Variants in NAA35 observed in about 807,000 individuals in gnomAD.
NAA35 encodes the protein MAK10 homolog, amino-acid N-acetyltransferase subunit.
NAA35 carries 18 observed loss-of-function variants against 101.7 expected under a neutral mutation model. That is an observed-to-expected ratio of 0.18 (90% CI 0.12 to 0.26). NAA35 has a LOEUF of 0.26. Among genes scored for constraint, NAA35 ranks in the 10% least tolerant of loss-of-function variants. The probability of loss-of-function intolerance (pLI) is 1.00; values close to 1 mark genes in which losing one functional copy is unlikely to be tolerated. For synonymous variants in NAA35, 267 were observed against 273.1 expected (o/e 0.98, Z 0.22); for missense variants, 601 against 886.8 (o/e 0.68, Z 4.09).
intron 2 of NAA35, among the ~76,000 whole-genome samples, chr9:85,951,714 G>A (rs1023650675): frequency 2.6e-5 from 4 of 152,092 alleles, no homozygotes; most frequent in African/African-American, 9.7e-5. Flanking sequence ...GGAGTCCAGT[G>A]GCATGATCTC....
chr9:85,964,316 A>G (rs1829651530), intron 6 of NAA35, among the ~76,000 whole-genome samples: 1 of 152,096 alleles, frequency 6.6e-6, no homozygotes, highest in South Asian at 2.1e-4. Context: ...ATATGTATGT[A>G]TGTCTTTTCC....
chr9:86,006,146 G>T (rs908127080), intron 13 of NAA35, among the ~76,000 whole-genome samples: 22 of 151,968 alleles, frequency 1.4e-4, no homozygotes, highest in African/African-American at 5.1e-4. Context: ...CTCCAGCCTG[G>T]GCAACAGAGC....
At chr9:86,006,653 T>A (rs1471088793) in intron 13 of NAA35, among the ~76,000 whole-genome samples, 1 of 152,174 alleles carries the variant, frequency 6.6e-6, no homozygotes, top group Non-Finnish European at 1.5e-5. Flanking sequence ...GAGGAGCGTT[T>A]GACCACAAAG....
At chr9:86,013,444 TG>T (rs1462621387) in intron 16 of NAA35, among the ~76,000 whole-genome samples, 1 of 152,220 alleles carries the variant, frequency 6.6e-6, no homozygotes, top group African/African-American at 2.4e-5. Flanking sequence ...AAAGTTAATT[TG>T]TGTGCAGCAG....
At chr9:85,952,452 A>C (rs1587558817) in intron 2 of NAA35, among the ~76,000 whole-genome samples, 1 of 151,186 alleles carries the variant, frequency 6.6e-6, no homozygotes, top group Non-Finnish European at 1.5e-5. Context: ...TGCCAAGCTA[A>C]TTTTGTATTT....
chr9:85,975,299 A>G, intron 8 of NAA35, 142 bp downstream of exon 8: 1 of 775,920 alleles, frequency 1.3e-6, no homozygotes, highest in Non-Finnish European at 2.0e-6. Flanking sequence ...GAACACTGCT[A>G]GAGGAGTTTC....
In NAA35 at chr9:85,977,157, T is replaced by C. The variant is rs933415208; in HGVS notation, c.679-206T>C. ...TAGGACAAGATCAGTGCTGTTGATA[T>C]AGAAACTTCACATTCCGATTTCAAA... On this transcript the variant is annotated intron_variant, in intron 9 of 22. Coordinates refer to ENST00000361671, the MANE Select transcript of NAA35 (RefSeq NM_024635.4). Among the ~76,000 whole-genome samples the C allele has an allele frequency of 1.1e-4, 17 of 152,256 alleles. No homozygotes were observed. In the South Asian group the frequency reaches 1.2e-3, roughly 11 times the overall value.
At chr9:85,991,490 G>T (rs969910954) in intron 11 of NAA35, among the ~76,000 whole-genome samples, 2 of 152,132 alleles carry the variant, frequency 1.3e-5, no homozygotes, top group Non-Finnish European at 2.9e-5. Context: ...GGACTGGATG[G>T]CATGAGATGT....
intron 4 of NAA35, 26 bp downstream of exon 4, chr9:85,958,612 T>C (rs762735409): frequency 6.8e-7 from 1 of 1,476,072 alleles, no homozygotes; most frequent in South Asian, 1.2e-5. Context: ...CTTTTTGTGT[T>C]TCCATTTATC....
At chr9:85,977,497 A>G (rs1421635526) in intron 10 of NAA35, 51 bp downstream of exon 10, 1 of 1,314,232 alleles carries the variant, frequency 7.6e-7, no homozygotes. Flanking sequence ...TTTTGGCTGG[A>G]ATTCCTGAGT....
chr9:85,953,769 A>G (rs1250238504), intron 2 of NAA35, among the ~76,000 whole-genome samples: 1 of 152,102 alleles, frequency 6.6e-6, no homozygotes, highest in Non-Finnish European at 1.5e-5. Context: ...TTTCATTTAA[A>G]TGGACTCACA....
At position 85,959,836 on chromosome 9, in the gene NAA35, T is replaced by TA. The variant is rs1829435581; in HGVS notation, c.318dup (p.Gly107ArgfsTer31). 1 of 1,611,444 alleles carries TA rather than the reference T, an allele frequency of 6.2e-7. No homozygotes were observed. The highest frequency in any genetic ancestry group is 8.5e-7 in the Non-Finnish European group (1 of 1,178,990). On this transcript the variant is annotated frameshift_variant, in exon 5 of 23. Coordinates refer to ENST00000361671, the MANE Select transcript of NAA35 (RefSeq NM_024635.4). LOFTEE classifies it high-confidence loss of function. ...AAAGATCTCACCTTGCCTGAACTGA[T>TA]AGGGATTATGGATACATGTTTTTGC...
intron 2 of NAA35, among the ~76,000 whole-genome samples, chr9:85,955,360 A>ATTTTTTTTTTTTTT (rs61549690): frequency 1.9e-5 from 1 of 53,940 alleles, no homozygotes; most frequent in Non-Finnish European, 3.0e-5. Flanking sequence ...ATATATATAT[A>ATTTTTTTTTTTTTT]TTTTTTTTTT....
Position 86,004,800 on chromosome 9 carries a change from A to T in NAA35, c.1116+1156A>T, listed in dbSNP as rs1014369043. ...ACTCTGTCCATAAATGCAAAAGCAGATAAAATGGACCTATTCCTTTAAATG... is the reference window on the plus strand; with the variant it reads ...ACTCTGTCCATAAATGCAAAAGCAGTTAAAATGGACCTATTCCTTTAAATG... On this transcript the variant is annotated intron_variant, in intron 13 of 22. Coordinates refer to ENST00000361671, the MANE Select transcript of NAA35 (RefSeq NM_024635.4). 4.6e-5 allele frequency among the ~76,000 whole-genome samples: 7 copies of T among 152,364 alleles called. No homozygotes were observed. In the South Asian group the frequency reaches 1.4e-3, roughly 32 times the overall value.
At chr9:85,943,335 A>T (rs1419155478) in intron 2 of NAA35, among the ~76,000 whole-genome samples, 1 of 152,168 alleles carries the variant, frequency 6.6e-6, no homozygotes, top group Non-Finnish European at 1.5e-5. Flanking sequence ...TAGGATGAAG[A>T]TAAAAGTATA....
chr9:85,989,551 G>A (rs1830809888), intron 11 of NAA35, among the ~76,000 whole-genome samples: 2 of 152,062 alleles, frequency 1.3e-5, no homozygotes, highest in South Asian at 2.1e-4. Flanking sequence ...CCATTCCAAA[G>A]GTCTTTGAGT....
At position 85,996,594 on chromosome 9, in the gene NAA35, G is replaced by A. The variant is rs1587635671; in HGVS notation, c.1056+17G>A. The stretch of plus-strand genomic sequence containing the variant: ...TGTATCCTGGTAAGTACAAATCTCT[G>A]TTCCAGAATGTAACTTCCATTTAAA... On this transcript the variant is annotated intron_variant, in intron 12 of 22. Coordinates refer to ENST00000361671, the MANE Select transcript of NAA35 (RefSeq NM_024635.4). 2.7e-6 allele frequency: 4 copies of A among 1,492,418 alleles called. No individual in the cohort carries two copies. The highest frequency in any genetic ancestry group is 3.6e-6 in the Non-Finnish European group (4 of 1,120,798). The allele number at this position is 1,492,418 out of a possible 1,614,324, so 92.4% of individuals were successfully genotyped here. A position where few individuals can be genotyped will look rare whatever the true frequency, so the allele number is the denominator to read the frequency against.
Position 85,958,554 on chromosome 9 carries a change from C to G in NAA35, c.241C>G (p.Arg81Gly). The G allele has an allele frequency of 1.2e-6, 2 of 1,610,538 alleles. No homozygotes were observed. The highest frequency in any genetic ancestry group is 2.2e-5 in the East Asian group (1 of 44,720). Reference protein sequence around the residue: ...DAGMIGNQVNRKVLNFEQAIK... With the variant: ...DAGMIGNQVNGKVLNFEQAIK... ...TGGCATGATTGGAAACCAAGTTAAT[C>G]GAAAAGTTCTCAATTTTGAACAAGC... is the stretch of plus-strand genomic sequence containing the variant. The change falls in exon 4 of 23, where the codon CGA becomes GGA. Residue 81 changes from arginine to glycine, a missense_variant. Physicochemically the swap from Arg to Gly is moderately radical, Grantham distance 125. Coordinates refer to ENST00000361671, the MANE Select transcript of NAA35 (RefSeq NM_024635.4).
intron 2 of NAA35, among the ~76,000 whole-genome samples, chr9:85,947,395 A>G (rs1262400387): frequency 6.6e-6 from 1 of 152,220 alleles, no homozygotes; most frequent in Non-Finnish European, 1.5e-5. Context: ...ACTGTTTGTT[A>G]GCACTTGATT....
Sources: gnomAD v4.1 joint callset for allele counts (sites outside exome capture counted in the v4.1 genomes callset) on GRCh38, gnomAD v4.1.1 for gene constraint, MANE v1.5 for transcripts, NCBI Gene and HGNC (gene_info 2026-07-23, HGNC 2026-07-21) for gene names.